The following GRIK4 variants were observed in gnomAD, a reference collection of about 807,000 sequenced individuals.
The protein encoded by GRIK4 is glutamate ionotropic receptor kainate type subunit 4.
Under a neutral mutation model 104.9 loss-of-function variants are expected in GRIK4, and 40 were observed. The ratio of observed to expected loss-of-function variants is 0.38; its 90% CI spans 0.30 to 0.50. GRIK4 has a LOEUF of 0.50. GRIK4 is among the 20% of genes least tolerant of loss of function. The pLI is 0.93. For missense variants in GRIK4, 1,047 were observed against 1,308.1 expected (o/e 0.80, Z 3.08); for synonymous variants, 485 against 524.9 (o/e 0.92, Z 1.04).
chr11:120,573,071 G>A (rs1006235879), intron 1 of GRIK4, among the ~76,000 whole-genome samples: 9 of 152,154 alleles, frequency 5.9e-5, no homozygotes, highest in Non-Finnish European at 1.2e-4. Context: ...TGTGTTTAAA[G>A]CGAAGTGTTC....
At chr11:120,917,547 G>A (rs139204374) in intron 13 of GRIK4, among the ~76,000 whole-genome samples, 61 of 152,312 alleles carry the variant, frequency 4.0e-4, no homozygotes, top group African/African-American at 1.4e-3. Flanking sequence ...GAATGACATC[G>A]GAGCGTCACC....
chr11:120,717,111 CT>C (rs1950848158), intron 3 of GRIK4, among the ~76,000 whole-genome samples: 1 of 152,150 alleles, frequency 6.6e-6, no homozygotes, highest in African/African-American at 2.4e-5. Context: ...GAGATTTTTC[CT>C]GCCGACGGAA....
rs1944742005 is a variant in GRIK4 at position 120,986,066 on chromosome 11, T to G, written c.2677T>G (p.Cys893Gly). Reference sequence around the variant, plus strand: ...GGCGACGCTCAGCAACGGGAAGCTGTGCGGGGCAGGGGAGCCCGACCAGCT... The same window carrying G: ...GGCGACGCTCAGCAACGGGAAGCTGGGCGGGGCAGGGGAGCCCGACCAGCT... ...GTATLSNGKL[C>G]GAGEPDQLAQ... Residue 893 changes from cysteine to glycine, a missense_variant, in exon 21 of 21, where the codon TGC (cysteine) becomes GGC (glycine). This residue lies in a region of GRIK4 where 160 missense variants were observed against 140.9 expected (regional missense o/e 1.14). Coordinates refer to ENST00000527524, the MANE Select transcript of GRIK4 (RefSeq NM_014619.5). 6.6e-7 allele frequency: 1 copy of G among 1,519,994 alleles called. No homozygotes were observed. Among genetic ancestry groups the G allele is most frequent in the South Asian group, 1.2e-5 (1 of 81,628 alleles). The allele number at this position is 1,519,994 out of a possible 1,614,324, so 94.2% of individuals were successfully genotyped here. A position where few individuals can be genotyped will look rare whatever the true frequency, so the allele number is the denominator to read the frequency against.
At chr11:120,690,325 C>G (rs575171566) in intron 3 of GRIK4, among the ~76,000 whole-genome samples, 6 of 152,142 alleles carry the variant, frequency 3.9e-5, no homozygotes, top group Non-Finnish European at 1.5e-5. Context: ...GCTTGATGTT[C>G]GAGAATGATC....
At chr11:120,891,244 C>T (rs1190272485) in intron 11 of GRIK4, among the ~76,000 whole-genome samples, 2 of 152,212 alleles carry the variant, frequency 1.3e-5, no homozygotes, top group African/African-American at 4.8e-5. Context: ...TCACTGACTG[C>T]AGCCTGGAAG....
intron 11 of GRIK4, among the ~76,000 whole-genome samples, chr11:120,877,515 A>G (rs1437411085): frequency 6.6e-6 from 1 of 152,188 alleles, no homozygotes; most frequent in Non-Finnish European, 1.5e-5. Flanking sequence ...TCTGAGCCCC[A>G]ATGTGCTTGA....
intron 1 of GRIK4, among the ~76,000 whole-genome samples, chr11:120,521,245 T>G (rs1279270288): frequency 6.6e-6 from 1 of 152,034 alleles, no homozygotes; most frequent in Non-Finnish European, 1.5e-5. Flanking sequence ...GCGAATATTT[T>G]GATTTTTTGT....
chr11:120,515,119 G>A, intron 1 of GRIK4: 1 of 447,080 alleles, frequency 2.2e-6, no homozygotes, highest in East Asian at 7.0e-5. Context: ...GCATGATCTT[G>A]TCCCCCCTCC....
Position 120,953,677 on chromosome 11 carries a change from C to T in GRIK4, c.1700+713C>T, listed in dbSNP as rs1171905428. On this transcript the variant is annotated intron_variant, in intron 15 of 20. Coordinates refer to ENST00000527524, the MANE Select transcript of GRIK4 (RefSeq NM_014619.5). This position sits in a 1 kb window ranked among gnomAD's most constrained non-coding sequence, Gnocchi z 4.9. ...GGGCTGCCCTGGCCCTTTGGAAAAA[C>T]CTGAGGAGCAGCCTGAGGCTGTGGC... Among the ~76,000 whole-genome samples, 1 of 152,210 alleles carries T rather than the reference C, an allele frequency of 6.6e-6. No homozygotes were observed. Among genetic ancestry groups the T allele is most frequent in the African/African-American group, 2.4e-5 (1 of 41,454 alleles).
intron 3 of GRIK4, among the ~76,000 whole-genome samples, chr11:120,672,172 C>T (rs1050987932): frequency 4.6e-5 from 7 of 152,278 alleles, no homozygotes; most frequent in Non-Finnish European, 1.0e-4. Context: ...AATCCCAGCA[C>T]TTTGGGTGGC....
At chr11:120,611,816 C>T (rs531723180) in intron 1 of GRIK4, among the ~76,000 whole-genome samples, 166 of 152,304 alleles carry the variant, frequency 1.1e-3, no homozygotes, top group African/African-American at 3.7e-3. Context: ...GTTCATTGGA[C>T]GGATGAGTGC....
At position 120,578,361 on chromosome 11, in the gene GRIK4, G is replaced by A. The variant is rs575140809; in HGVS notation, c.-159+66474G>A. On this transcript the variant is annotated intron_variant, in intron 1 of 20. Coordinates refer to ENST00000527524, the MANE Select transcript of GRIK4 (RefSeq NM_014619.5). ...GCCCTTGGGCTGAGATGCTGGATCA[G>A]TGCTGCCCAAGAAGCTGGAGTTTAG... 2.6e-5 allele frequency among the ~76,000 whole-genome samples: 4 copies of A among 152,312 alleles called. No individual in the cohort carries two copies. The South Asian group carries it at 8.3e-4, about 32-fold the overall frequency.
At chr11:120,726,513 C>T (rs542696898) in intron 3 of GRIK4, among the ~76,000 whole-genome samples, 10 of 152,314 alleles carry the variant, frequency 6.6e-5, no homozygotes, top group East Asian at 5.8e-4. Flanking sequence ...ATCCATTAAT[C>T]ACGTCCATTG....
chr11:120,661,045 G>A (rs1949805897), intron 3 of GRIK4, among the ~76,000 whole-genome samples: 3 of 152,264 alleles, frequency 2.0e-5, no homozygotes, highest in East Asian at 3.9e-4. Flanking sequence ...CCTCCTCCCT[G>A]CTGGGACTGA....
At chr11:120,900,861 A>AG (rs1168109599) in intron 12 of GRIK4, among the ~76,000 whole-genome samples, 1 of 152,150 alleles carries the variant, frequency 6.6e-6, no homozygotes, top group Admixed American at 6.5e-5. Flanking sequence ...GAAAGATGAG[A>AG]GGGTTGCGGT....
chr11:120,871,559 T>G (rs1194609249), intron 9 of GRIK4: 1 of 455,906 alleles, frequency 2.2e-6, no homozygotes, highest in South Asian at 1.6e-5. Flanking sequence ...GAGAATTGGG[T>G]GTCCTTTGTT....
At chr11:120,798,149 T>C (rs1326685765) in intron 3 of GRIK4, among the ~76,000 whole-genome samples, 1 of 142,728 alleles carries the variant, frequency 7.0e-6, no homozygotes, top group Non-Finnish European at 1.5e-5. Context: ...GAGTGAGCTC[T>C]GCTGTCTCTT....
intron 3 of GRIK4, among the ~76,000 whole-genome samples, chr11:120,711,004 G>GGGGGT (rs1015733282): frequency 6.7e-6 from 1 of 149,824 alleles, no homozygotes; most frequent in African/African-American, 2.5e-5. Context: ...AGGTGGGGAG[G>GGGGGT]GGGTGTGAGC....
chr11:120,674,599 T>G (rs1950070471), intron 3 of GRIK4, among the ~76,000 whole-genome samples: 1 of 152,242 alleles, frequency 6.6e-6, no homozygotes, highest in Non-Finnish European at 1.5e-5. Flanking sequence ...TCCCATCCTT[T>G]CTAGCACATG....
Sources: allele counts gnomAD v4.1 joint callset (sites outside exome capture counted in the v4.1 genomes callset), GRCh38; gene constraint gnomAD v4.1.1; regional missense constraint gnomAD v4.1.1; non-coding constraint Gnocchi (gnomAD v3.1); transcripts MANE v1.5; gene names NCBI Gene and HGNC (gene_info 2026-07-23, HGNC 2026-07-21).